HYDIN: variants seen among roughly 807,000 people sequenced by gnomAD.
HYDIN encodes HYDIN axonemal central pair apparatus protein, also known as axonemal central pair apparatus protein HYDIN.
In HYDIN, 132 loss-of-function variants were observed where a neutral mutation model predicts 403.9. The observed-to-expected ratio is 0.33, with a 90% CI of 0.28 to 0.38. The LOEUF (loss-of-function observed/expected upper bound fraction) is 0.38, where lower values mean the gene tolerates loss of function less well. Among genes scored for constraint, HYDIN ranks in the 10% least tolerant of loss-of-function variants. The pLI, the probability that HYDIN is intolerant of heterozygous loss-of-function variation, is 1.00. For missense variants in HYDIN, 2,827 were observed against 5,009.5 expected (o/e 0.56, Z 13.15); for synonymous variants, 1,202 against 1,891.7 (o/e 0.64, Z 9.46).
intron 58 of HYDIN, among the ~76,000 whole-genome samples, chr16:70,885,988 T>C (rs1381279131): frequency 1.4e-5 from 2 of 146,204 alleles, no homozygotes; most frequent in African/African-American, 2.8e-5. Flanking sequence ...CTTGCAACCA[T>C]GAGGGAAAGG....
At chr16:71,040,238 C>T (rs1377782602) in intron 18 of HYDIN, among the ~76,000 whole-genome samples, 2 of 151,764 alleles carry the variant, frequency 1.3e-5, no homozygotes, top group Non-Finnish European at 2.9e-5. Context: ...CGCTTGCGTG[C>T]TCCCTCCAGC....
chr16:71,169,131 C>T (rs2086361120), intron 5 of HYDIN, among the ~76,000 whole-genome samples: 1 of 152,048 alleles, frequency 6.6e-6, no homozygotes, highest in African/African-American at 2.4e-5. Flanking sequence ...GATGAACATA[C>T]AAAGAAAATG....
intron 23 of HYDIN, among the ~76,000 whole-genome samples, chr16:71,005,490 C>T (rs2144085378): frequency 1.3e-5 from 2 of 152,188 alleles, no homozygotes; most frequent in East Asian, 3.9e-4. Flanking sequence ...CTTGGCTATG[C>T]TGGCACTGTG....
At chr16:71,175,994 T>C (rs749634820) in intron 4 of HYDIN, 26 of 474,982 alleles carry the variant, frequency 5.5e-5, no homozygotes, top group Non-Finnish European at 9.1e-5. Context: ...TCTTTGTTCA[T>C]TTTAAAATTA....
chr16:70,964,665 G>C, intron 37 of HYDIN, 63 bp downstream of exon 37: 1 of 1,415,676 alleles, frequency 7.1e-7, no homozygotes, highest in Admixed American at 1.7e-5. Context: ...TCCCAGAGCA[G>C]GGGTAATTCA....
intron 1 of HYDIN, among the ~76,000 whole-genome samples, chr16:71,206,021 G>A (rs1293261460): frequency 6.6e-6 from 1 of 152,168 alleles, no homozygotes; most frequent in East Asian, 1.9e-4. Flanking sequence ...TTTGCTGAGA[G>A]GTGCAGCCTC....
At chr16:71,031,401 A>G in intron 19 of HYDIN, 3 of 1,261,560 alleles carry the variant, frequency 2.4e-6, no homozygotes, top group Non-Finnish European at 3.0e-6. Context: ...TAAATTAATC[A>G]CAGAGTAGCC....
chr16:70,920,865 C>T lies in HYDIN; in HGVS notation c.7511G>A (p.Gly2504Glu). The stretch of plus-strand genomic sequence containing the variant: ...CTCCCGGTCCTTGCGGCCCCTGCGC[C>T]CACCCAAGGGGACCTGGCGCTGGTC... ...PDDQRQVPLG[G>E]RRGRKDRERE... Residue 2504 changes from glycine to glutamate, a missense_variant, in exon 46 of 86, where the codon GGG becomes GAG. Physicochemically the swap from Gly to Glu is moderately conservative, Grantham distance 98. Coordinates refer to ENST00000393567, the MANE Select transcript of HYDIN (RefSeq NM_001270974.2). 6.2e-7 allele frequency: 1 copy of T among 1,604,608 alleles called. No individual in the cohort carries two copies. The highest frequency in any genetic ancestry group is 2.2e-5 in the East Asian group (1 of 44,602).
chr16:71,052,060 A>G (rs1264443598), intron 18 of HYDIN, among the ~76,000 whole-genome samples: 1 of 152,238 alleles, frequency 6.6e-6, no homozygotes, highest in African/African-American at 2.4e-5. Flanking sequence ...ATTCATAGTA[A>G]AGCTCCAGTG....
chr16:70,890,921 C>G (rs1371856920), intron 57 of HYDIN, among the ~76,000 whole-genome samples: 1 of 151,028 alleles, frequency 6.6e-6, no homozygotes. Context: ...CACCATGAAG[C>G]ACTGCTACGA....
At chr16:70,823,465 AG>A (rs1181304070) in intron 83 of HYDIN, among the ~76,000 whole-genome samples, 1 of 70,796 alleles carries the variant, frequency 1.4e-5, no homozygotes, top group Non-Finnish European at 2.7e-5. Context: ...GCTTTTTTAA[AG>A]GGCTGATAAA....
At chr16:70,922,004 T>C (rs924687994) in intron 45 of HYDIN, among the ~76,000 whole-genome samples, 3 of 152,222 alleles carry the variant, frequency 2.0e-5, no homozygotes, top group African/African-American at 7.2e-5. Context: ...TTGATGATAT[T>C]ATGCAAAGTC....
intron 74 of HYDIN, among the ~76,000 whole-genome samples, 198 bp from the exon 75 acceptor site, chr16:70,850,145 T>C (rs908967290): frequency 6.6e-6 from 1 of 152,106 alleles, no homozygotes; most frequent in Non-Finnish European, 1.5e-5. Context: ...CAATATCTCA[T>C]GGAGCAAAGT....
At chr16:70,939,119 G>C (rs143686640) in intron 43 of HYDIN, among the ~76,000 whole-genome samples, 69 of 152,326 alleles carry the variant, frequency 4.5e-4, no homozygotes, top group Middle Eastern at 3.4e-3. Context: ...ATGCAGGAGA[G>C]TCAGTCAGAG....
intron 11 of HYDIN, among the ~76,000 whole-genome samples, chr16:71,092,564 T>C (rs905173235): frequency 6.6e-6 from 1 of 152,142 alleles, no homozygotes; most frequent in African/African-American, 2.4e-5. Flanking sequence ...AGGTTTTTAT[T>C]GTTTTGGGGT....
chr16:70,925,377 A>C (rs2077120626), intron 45 of HYDIN, among the ~76,000 whole-genome samples: 2 of 152,358 alleles, frequency 1.3e-5, no homozygotes, highest in South Asian at 4.1e-4. Flanking sequence ...CCATTTATTA[A>C]ATAGGGAATC....
At chr16:71,020,591 T>C (rs1222643727) in intron 21 of HYDIN, among the ~76,000 whole-genome samples, 2 of 152,126 alleles carry the variant, frequency 1.3e-5, no homozygotes, top group Admixed American at 6.5e-5. Context: ...AGTGGATTAC[T>C]TGAGGTCAGG....
chr16:71,195,069 C>T (rs1186176797), intron 1 of HYDIN, among the ~76,000 whole-genome samples: 2 of 152,178 alleles, frequency 1.3e-5, no homozygotes, highest in South Asian at 2.1e-4. Flanking sequence ...ATAGGCCACA[C>T]ATTTACATGA....
intron 43 of HYDIN, among the ~76,000 whole-genome samples, chr16:70,940,864 G>C (rs1567870984): frequency 6.6e-6 from 1 of 152,256 alleles, no homozygotes; most frequent in Admixed American, 6.5e-5. Flanking sequence ...GCAGTCGTGT[G>C]GCTGGAGCCG....
Sources: allele counts gnomAD v4.1 joint callset (sites outside exome capture counted in the v4.1 genomes callset), GRCh38; gene constraint gnomAD v4.1.1; transcripts MANE v1.5; gene names NCBI Gene and HGNC (gene_info 2026-07-23, HGNC 2026-07-21).